UIMC1: variants seen among roughly 807,000 people sequenced by gnomAD.
The protein encoded by UIMC1 is ubiquitin interaction motif containing 1, also known as BRCA1-A complex subunit RAP80.
In UIMC1, 42 loss-of-function variants were observed where a neutral mutation model predicts 84.9. That is an observed-to-expected ratio of 0.49 (90% CI 0.39 to 0.64). The LOEUF is 0.64. Among genes scored for constraint, UIMC1 ranks in the 30% least tolerant of loss-of-function variants. The probability of loss-of-function intolerance (pLI) is 0.00; values close to 1 mark genes in which losing one functional copy is unlikely to be tolerated. For synonymous variants in UIMC1, 281 were observed against 293.0 expected (o/e 0.96, Z 0.42); for missense variants, 825 against 847.6 (o/e 0.97, Z 0.33).
rs182903022 is a variant in UIMC1, at chr5:177,005,649, T to G, written c.-9+1001A>C. Among the ~76,000 whole-genome samples the G allele has an allele frequency of 1.6e-4, 25 of 151,958 alleles. No homozygotes were observed. The East Asian group carries it at 4.3e-3, about 26-fold the overall frequency. On this transcript the variant is annotated intron_variant, in intron 1 of 14. Coordinates refer to ENST00000511320, the MANE Select transcript of UIMC1 (RefSeq NM_001199298.2). The stretch of plus-strand genomic sequence containing the variant: ...GGATAAGCTGGTAAAGGGCTGAGAG[T>G]TGAAGCTGAATGTATCTGATTCCAA...
intron 10 of UIMC1, among the ~76,000 whole-genome samples, chr5:176,911,675 T>G (rs1760236419): frequency 6.6e-6 from 1 of 152,240 alleles, no homozygotes. Context: ...TTTTGTGTAC[T>G]ATCCCAGCTT....
At chr5:176,930,665 G>C (rs1225024083) in intron 10 of UIMC1, among the ~76,000 whole-genome samples, 10 of 152,184 alleles carry the variant, frequency 6.6e-5, no homozygotes, top group Non-Finnish European at 1.2e-4. Context: ...ATATTATCTT[G>C]TTATCAAGCA....
intron 6 of UIMC1, among the ~76,000 whole-genome samples, chr5:176,960,664 TCTCC>T (rs1581542797): frequency 1.2e-4 from 1 of 8,334 alleles, no homozygotes; most frequent in East Asian, 3.8e-3. Context: ...TCCGTCTCCG[TCTCC>T]CCACGGTCTC....
upstream of UIMC1, among the ~76,000 whole-genome samples, chr5:177,010,108 C>T (rs1222701330): frequency 1.3e-5 from 2 of 151,500 alleles, no homozygotes; most frequent in Non-Finnish European, 2.9e-5. Flanking sequence ...CCCAGCTACT[C>T]GAGAGGCCGA....
chr5:176,935,184 A>T (rs1763580283), intron 10 of UIMC1, among the ~76,000 whole-genome samples: 1 of 152,204 alleles, frequency 6.6e-6, no homozygotes, highest in Non-Finnish European at 1.5e-5. Flanking sequence ...CACATGATTC[A>T]AGTTACATTT....
At chr5:177,022,504 C>T (rs1775913505) in exon 1 of UIMC1, 1 of 499,464 alleles carries the variant, frequency 2.0e-6, no homozygotes, top group Non-Finnish European at 3.5e-6. Flanking sequence ...CCACACGAGC[C>T]TCTCCGGGAG....
chr5:177,001,444 T>C (rs1249421717), intron 1 of UIMC1: 1 of 152,170 alleles, frequency 6.6e-6, no homozygotes. Flanking sequence ...AGCTTCAACA[T>C]AGTAAACATA....
rs145704288 is a variant in UIMC1 at position 176,905,445 on chromosome 5, T to G, written c.1997A>C (p.Gln666Pro). ...TAAGTCACGACGTGTGAAAGAACTC[T>G]GCATCTCTCTGCTGCAGCCTGCCTC... ...MEEAGCSREM[Q>P]SSFTRRDLNE... is the part of the protein sequence containing the mutation. Residue 666 changes from glutamine (Q) to proline (P), a missense_variant, in exon 15 of 15, where the codon CAG becomes CCG. Physicochemically the swap from Gln to Pro is moderately conservative, Grantham distance 76. Transcript: ENST00000511320. The G allele has an allele frequency of 7.7e-4, 1,239 of 1,614,164 alleles. 12 individuals are homozygous for G. The Middle Eastern group carries it at 0.016, about 20-fold the overall frequency.
chr5:176,917,637 A>C (rs1489943707), intron 10 of UIMC1, among the ~76,000 whole-genome samples: 1 of 152,190 alleles, frequency 6.6e-6, no homozygotes, highest in Non-Finnish European at 1.5e-5. Context: ...GTGGCTACTT[A>C]AATTTAAATC....
At chr5:176,919,585 A>T (rs1488801257) in intron 10 of UIMC1, among the ~76,000 whole-genome samples, 2 of 151,766 alleles carry the variant, frequency 1.3e-5, no homozygotes, top group African/African-American at 4.8e-5. Flanking sequence ...TCCCAAGTAG[A>T]TGGGACTTAC....
chr5:176,932,123 T>TA (rs1280287874), intron 10 of UIMC1, among the ~76,000 whole-genome samples: 8 of 152,316 alleles, frequency 5.3e-5, no homozygotes, highest in African/African-American at 1.9e-4. Flanking sequence ...GTTCATTCAG[T>TA]AGCTAAGAGT....
chr5:176,952,303 T>C (rs949218463), intron 8 of UIMC1, among the ~76,000 whole-genome samples: 1 of 152,260 alleles, frequency 6.6e-6, no homozygotes, highest in Non-Finnish European at 1.5e-5. Flanking sequence ...TAGACAAAGA[T>C]ATGCCTTTCT....
At chr5:176,941,265 C>T (rs1764383521) in intron 10 of UIMC1, among the ~76,000 whole-genome samples, 1 of 152,010 alleles carries the variant, frequency 6.6e-6, no homozygotes. Context: ...ACAGTCAGAC[C>T]TCAACTACGT....
At chr5:176,975,885 G>A (rs1007966794) in intron 2 of UIMC1, among the ~76,000 whole-genome samples, 12 of 152,124 alleles carry the variant, frequency 7.9e-5, no homozygotes, top group African/African-American at 2.9e-4. Context: ...AGGAAAAAGA[G>A]GGTAAATGAA....
At chr5:176,915,459 T>C (rs987077820) in intron 10 of UIMC1, among the ~76,000 whole-genome samples, 1 of 110,572 alleles carries the variant, frequency 9.0e-6, no homozygotes, top group Non-Finnish European at 1.6e-5. Flanking sequence ...CAGTAAATAA[T>C]TTTTTTTTTT....
intron 1 of UIMC1, among the ~76,000 whole-genome samples, chr5:176,998,406 C>T (rs1384466495): frequency 7.2e-6 from 1 of 139,304 alleles, no homozygotes; most frequent in Non-Finnish European, 1.5e-5. Context: ...AAAGGTTGCA[C>T]TAAGCTGAGA....
intron 10 of UIMC1, among the ~76,000 whole-genome samples, chr5:176,930,188 C>T (rs1047294617): frequency 2.7e-4 from 41 of 152,168 alleles, no homozygotes; most frequent in African/African-American, 9.9e-4. Context: ...CATCTCTCTG[C>T]CTCCACCCCA....
intron 10 of UIMC1, 119 bp from the exon 11 acceptor site, chr5:176,911,508 G>A (rs2149391431): frequency 1.8e-6 from 1 of 549,626 alleles, no homozygotes; most frequent in Non-Finnish European, 2.8e-6. Context: ...TGGAAGAAGT[G>A]CATTGTTTGG....
intron 1 of UIMC1, among the ~76,000 whole-genome samples, chr5:176,992,185 A>G (rs1772965705): frequency 6.6e-6 from 1 of 152,204 alleles, no homozygotes; most frequent in Admixed American, 6.5e-5. Flanking sequence ...CTGTCAATCC[A>G]AAAGCCCTTA....
Sources: allele counts gnomAD v4.1 joint callset (sites outside exome capture counted in the v4.1 genomes callset), GRCh38; gene constraint gnomAD v4.1.1; transcripts MANE v1.5; gene names NCBI Gene and HGNC (gene_info 2026-07-23, HGNC 2026-07-21).